Variants in CCDC47 observed in about 807,000 individuals in gnomAD.
CCDC47 encodes PAT complex subunit CCDC47.
In CCDC47, 41 loss-of-function variants were observed where a neutral mutation model predicts 60.5. That is an observed-to-expected ratio of 0.68 (90% CI 0.53 to 0.88). The LOEUF is 0.88. Ranked by LOEUF, CCDC47 falls within the 40% of genes least tolerant of loss-of-function variation. CCDC47 has a pLI of 0.00. For synonymous variants in CCDC47, 195 were observed against 190.7 expected (o/e 1.02, Z -0.18); for missense variants, 513 against 580.9 (o/e 0.88, Z 1.20).
At chr17:63,754,569 C>T (rs749389020) in intron 8 of CCDC47, 51 bp from the exon 9 acceptor site, 119 of 1,186,488 alleles carry the variant, frequency 1.0e-4, no homozygotes, top group Admixed American at 8.3e-4. Context: ...ATGCATTTCC[C>T]TTTTTTTCCT....
intron 4 of CCDC47, chr17:63,761,719 GCCGAATACC>G (rs2039263018): frequency 2.0e-6 from 1 of 508,806 alleles, no homozygotes; most frequent in African/African-American, 2.1e-5. Flanking sequence ...AGGAAACAAG[GCCGAATACC>G]TCACGTTCCT....
chr17:63,750,696 TGCCTCA>T (rs1445173567), intron 12 of CCDC47, among the ~76,000 whole-genome samples: 6 of 151,882 alleles, frequency 4.0e-5, no homozygotes, highest in Admixed American at 2.0e-4. Context: ...GCAATTCTCC[TGCCTCA>T]GCCTCCTGAG....
chr17:63,754,098 A>G (rs1159087922), intron 9 of CCDC47, among the ~76,000 whole-genome samples: 1 of 152,028 alleles, frequency 6.6e-6, no homozygotes, highest in East Asian at 1.9e-4. Context: ...AGAGTGAGAC[A>G]GCGTCTCAAA....
At chr17:63,769,836 CTG>C (rs1187575517) in intron 1 of CCDC47, among the ~76,000 whole-genome samples, 3 of 152,106 alleles carry the variant, frequency 2.0e-5, no homozygotes, top group Non-Finnish European at 4.4e-5. Context: ...CAAAGCTGTC[CTG>C]GGTCACATGC....
intron 12 of CCDC47, among the ~76,000 whole-genome samples, chr17:63,748,676 T>A (rs1175218482): frequency 6.6e-6 from 1 of 152,130 alleles, no homozygotes; most frequent in African/African-American, 2.4e-5. Context: ...TAAGAAATAT[T>A]GGCCGGGCGC....
At position 63,764,749 on chromosome 17, in the gene CCDC47, C is replaced by T. The variant is rs138459809; in HGVS notation, c.363G>A (p.Thr121=). 4 of 1,610,848 alleles carry T rather than the reference C, an allele frequency of 2.5e-6. No homozygotes were observed. The highest frequency in any genetic ancestry group is 1.7e-5 in the Admixed American group (1 of 59,560). The part of the protein sequence containing the change: ...TSSSKNKDPI[T]IVDVPAHLQN... Reference sequence around the variant, plus strand: ...AATCCTGGATACCTACATCAACAATCGTTATTGGGTCTTTATTTTTGCTAG... The same window carrying T: ...AATCCTGGATACCTACATCAACAATTGTTATTGGGTCTTTATTTTTGCTAG... Residue 121 remains threonine (T), a synonymous_variant, in exon 3 of 13, where the codon ACG becomes ACA. Transcript: ENST00000225726.
intron 6 of CCDC47, among the ~76,000 whole-genome samples, chr17:63,759,527 TTATATATATATA>T (rs770930100): frequency 0.016 from 64 of 3,956 alleles, 8 homozygotes; most frequent in Middle Eastern, 0.17. Context: ...ATATATATAT[TTATATATATATA>T]TATATATATA....
chr17:63,749,636 C>T (rs1375788798), intron 12 of CCDC47, among the ~76,000 whole-genome samples: 2 of 151,802 alleles, frequency 1.3e-5, no homozygotes, highest in Non-Finnish European at 2.9e-5. Flanking sequence ...GTAGTCCCAG[C>T]TACTAGGGAG....
chr17:63,747,405 T>C (rs1457940744), intron 12 of CCDC47: 32 of 982,362 alleles, frequency 3.3e-5, no homozygotes, highest in Non-Finnish European at 3.7e-5. Context: ...TGCAAATTTC[T>C]TATTAGCACA....
chr17:63,765,309 G>A (rs61275285), intron 2 of CCDC47, among the ~76,000 whole-genome samples: 2,390 of 151,888 alleles, frequency 0.016, 61 homozygotes, highest in African/African-American at 0.054. Context: ...CCAAAATGAT[G>A]AGTCCCCATG....
intron 8 of CCDC47, among the ~76,000 whole-genome samples, chr17:63,755,923 CA>C (rs59036340): frequency 0.13 from 13,154 of 98,446 alleles, 1,729 homozygotes; most frequent in African/African-American, 0.41. Flanking sequence ...AACTGGAGCT[CA>C]AAAAAAAAAA....
rs1829051211 is a variant in CCDC47, at chr17:63,759,541, AT to A, written c.735+1372del. On this transcript the variant is annotated intron_variant, in intron 6 of 12. Coordinates refer to ENST00000225726, the MANE Select transcript of CCDC47 (RefSeq NM_020198.3). ...TATATATATATTTATATATATATAT[AT>A]ATATATATATATATATATATATATA... is the stretch of plus-strand genomic sequence containing the variant. Among the ~76,000 whole-genome samples the A allele has an allele frequency of 4.2e-5, 2 of 47,606 alleles. 1 individual carries two copies. Among genetic ancestry groups the A allele is most frequent in the Non-Finnish European group, 7.7e-5 (2 of 25,848 alleles). 31.2% of individuals were successfully genotyped at this position (47,606 alleles called of 152,430 possible). A position where few individuals can be genotyped will look rare whatever the true frequency, so the allele number is the denominator to read the frequency against.
At chr17:63,765,825 G>T in intron 2 of CCDC47, 87 bp downstream of exon 2, 1 of 1,427,280 alleles carries the variant, frequency 7.0e-7, no homozygotes, top group East Asian at 2.3e-5. Context: ...AGACAGTAAA[G>T]GTCTCTTGAG....
intron 1 of CCDC47, among the ~76,000 whole-genome samples, chr17:63,769,855 C>G (rs1464567248): frequency 1.3e-5 from 2 of 152,172 alleles, no homozygotes; most frequent in African/African-American, 4.8e-5. Context: ...ATGCGGCCTG[C>G]AGGCCATGGG....
chr17:63,764,863 A>G lies in CCDC47; in HGVS notation c.265-16T>C. ...TATCTCCCTCCTACAAAAATGAGGC[A>G]TCATCCGTTTTCCTCTACAAATGTC... On this transcript the variant is annotated splice_polypyrimidine_tract_variant and intron_variant, in intron 2 of 12. Transcript: ENST00000225726. The G allele has an allele frequency of 1.9e-6, 3 of 1,606,320 alleles. No individual in the cohort carries two copies. Among genetic ancestry groups the G allele is most frequent in the Non-Finnish European group, 1.7e-6 (2 of 1,177,754 alleles).
At chr17:63,769,416 C>G (rs1336537126) in intron 1 of CCDC47, among the ~76,000 whole-genome samples, 1 of 151,748 alleles carries the variant, frequency 6.6e-6, no homozygotes, top group Non-Finnish European at 1.5e-5. Context: ...GAGTTTGAGG[C>G]CAGCCTGACC....
At chr17:63,758,963 A>G (rs943151707) in intron 6 of CCDC47, among the ~76,000 whole-genome samples, 8 of 152,170 alleles carry the variant, frequency 5.3e-5, no homozygotes, top group African/African-American at 1.7e-4. Flanking sequence ...AGAGAGAGAG[A>G]GAGGGAATGA....
In CCDC47 at chr17:63,756,275, T is replaced by C. The variant is rs778278815; in HGVS notation, c.913A>G (p.Met305Val). The C allele has an allele frequency of 6.2e-7, 1 of 1,614,150 alleles. No homozygotes were observed. The highest frequency in any genetic ancestry group is 1.1e-5 in the South Asian group (1 of 91,088). ...ATCATTCCGTCTGTGACTTCTCCCATCTCTGACAGGATGGCCAAAGAGTCC... is the reference window on the plus strand; with the variant it reads ...ATCATTCCGTCTGTGACTTCTCCCACCTCTGACAGGATGGCCAAAGAGTCC... ...LPDSLAILSE[M>V]GEVTDGMMDT... The change falls in exon 8 of 13, where the codon ATG becomes GTG. Residue 305 changes from methionine to valine, a missense_variant. Met to Val is a conservative substitution (Grantham distance 21). Transcript: ENST00000225726.
At chr17:63,761,422 C>T in intron 4 of CCDC47, 71 bp from the exon 5 acceptor site, 1 of 1,569,136 alleles carries the variant, frequency 6.4e-7, no homozygotes, top group Non-Finnish European at 8.7e-7. Context: ...TGGCTCACGC[C>T]TATAATCCCA....
Sources: allele counts gnomAD v4.1 joint callset (sites outside exome capture counted in the v4.1 genomes callset), GRCh38; gene constraint gnomAD v4.1.1; transcripts MANE v1.5; gene names NCBI Gene and HGNC (gene_info 2026-07-23, HGNC 2026-07-21).